Variants in TMEM232 observed in about 807,000 individuals in gnomAD.
TMEM232 encodes the protein transmembrane protein 232.
A neutral mutation model predicts 78.8 loss-of-function variants in TMEM232; 80 were observed. The ratio of observed to expected loss-of-function variants is 1.01; its 90% CI spans 0.85 to 1.22. The LOEUF is 1.22. Among genes scored for constraint, TMEM232 ranks in the 50% most tolerant of loss-of-function variants. TMEM232 has a pLI of 0.00. For synonymous variants in TMEM232, 297 were observed against 254.3 expected, an observed-to-expected ratio of 1.17 and a Z score of -1.60; for missense variants, 881 against 742.2, an observed-to-expected ratio of 1.19 and a Z score of -2.17.
chr5:110,435,619 C>G (rs1362172872), intron 12 of TMEM232, among the ~76,000 whole-genome samples: 1 of 151,874 alleles, frequency 6.6e-6, no homozygotes, highest in African/African-American at 2.4e-5. Flanking sequence ...CTACCCTTCA[C>G]TACCTCTGGT....
intron 2 of TMEM232, among the ~76,000 whole-genome samples, chr5:110,402,674 A>G (rs150129616): frequency 3.7e-4 from 57 of 152,210 alleles, no homozygotes; most frequent in Admixed American, 6.5e-4. Flanking sequence ...TTCTAACAAC[A>G]TGCTGCTGAT....
At chr5:110,567,384 T>G (rs1023795696) in intron 11 of TMEM232, among the ~76,000 whole-genome samples, 3 of 151,836 alleles carry the variant, frequency 2.0e-5, no homozygotes, top group Admixed American at 6.6e-5. Flanking sequence ...GGAACCCATT[T>G]GGACTGTTAA....
intron 12 of TMEM232, among the ~76,000 whole-genome samples, chr5:110,474,661 A>G (rs1374337563): frequency 6.6e-6 from 1 of 151,984 alleles, no homozygotes; most frequent in African/African-American, 2.4e-5. Flanking sequence ...GAAAATAAAG[A>G]TACCCACTTA....
At chr5:110,499,640 C>A (rs1311667577) in intron 12 of TMEM232, among the ~76,000 whole-genome samples, 1 of 145,620 alleles carries the variant, frequency 6.9e-6, no homozygotes, top group African/African-American at 2.7e-5. Context: ...CCCCCCCACA[C>A]ACACACATAT....
chr5:110,610,218 GGGAGGGAGGGAAAAAGAAAGGA>G (rs1782021768), intron 8 of TMEM232, among the ~76,000 whole-genome samples: 2 of 146,578 alleles, frequency 1.4e-5, no homozygotes, highest in Admixed American at 6.8e-5. Context: ...AAGGAAGGAA[GGGAGGGAGGGAAAAAGAAAGGA>G]AGGAAGGGAG....
intron 13 of TMEM232, among the ~76,000 whole-genome samples, chr5:110,424,456 C>G (rs1487497098): frequency 6.6e-6 from 1 of 152,066 alleles, no homozygotes; most frequent in African/African-American, 2.4e-5. Context: ...TCTGATCTGT[C>G]AAGGGTAAAG....
chr5:110,438,042 T>C (rs1185713015), intron 12 of TMEM232, among the ~76,000 whole-genome samples: 7 of 152,120 alleles, frequency 4.6e-5, no homozygotes, highest in African/African-American at 1.4e-4. Context: ...AGCTACTGTG[T>C]GGCCCCATCC....
intron 1 of TMEM232, among the ~76,000 whole-genome samples, chr5:110,680,852 G>C (rs1344648225): frequency 6.6e-6 from 1 of 152,072 alleles, no homozygotes; most frequent in African/African-American, 2.4e-5. Flanking sequence ...AATCACCTAA[G>C]GAGTTTTTAA....
chr5:110,714,710 G>T (rs1796853066), intron 1 of TMEM232, among the ~76,000 whole-genome samples: 1 of 152,098 alleles, frequency 6.6e-6, no homozygotes. Flanking sequence ...TTAAGTGACT[G>T]TCATTTAGAA....
chr5:110,727,926 T>C (rs28379511), upstream of TMEM232, among the ~76,000 whole-genome samples: 1,847 of 152,134 alleles, frequency 0.012, 46 homozygotes, highest in African/African-American at 0.042. Flanking sequence ...CCAGATAAAA[T>C]AAAAATGAAA....
chr5:110,403,492 T>G (rs532182971), intron 2 of TMEM232, among the ~76,000 whole-genome samples: 1 of 152,024 alleles, frequency 6.6e-6, no homozygotes, highest in African/African-American at 2.4e-5. Context: ...CTAAAATGAT[T>G]GTTTGTCAGA....
At chr5:110,500,551 A>G (rs1312710620) in intron 12 of TMEM232, among the ~76,000 whole-genome samples, 1 of 152,180 alleles carries the variant, frequency 6.6e-6, no homozygotes, top group African/African-American at 2.4e-5. Flanking sequence ...AGGGAAATTT[A>G]TAGCAGTGAA....
At chr5:110,696,399 G>A (rs1794785473) in intron 1 of TMEM232, among the ~76,000 whole-genome samples, 1 of 152,144 alleles carries the variant, frequency 6.6e-6, no homozygotes, top group Non-Finnish European at 1.5e-5. Flanking sequence ...GCACAAGACA[G>A]GGATGCCCTC....
chr5:110,505,151 A>G (rs1663140130), intron 12 of TMEM232, among the ~76,000 whole-genome samples: 1 of 152,112 alleles, frequency 6.6e-6, no homozygotes, highest in African/African-American at 2.4e-5. Context: ...CAGCTCCCTA[A>G]CTCCTGAGTG....
intron 1 of TMEM232, among the ~76,000 whole-genome samples, chr5:110,698,696 T>G (rs2150260428): frequency 6.6e-6 from 1 of 152,170 alleles, no homozygotes; most frequent in South Asian, 2.1e-4. Context: ...ACTTAGGACC[T>G]CTAAGAGGAG....
At chr5:110,654,507 A>G (rs988321624) in intron 2 of TMEM232, among the ~76,000 whole-genome samples, 6 of 152,070 alleles carry the variant, frequency 3.9e-5, no homozygotes, top group Admixed American at 3.9e-4. Context: ...CCATTGATCT[A>G]TATCTGTTTT....
chr5:110,544,982 G>A lies in TMEM232; in HGVS notation c.1456-16147C>T, dbSNP rs916275478. The stretch of plus-strand genomic sequence containing the variant: ...ATCAATTTTCCTTCTTACTAGTTAC[G>A]TGATCTTCCACAAGGTACTTAACCT... On this transcript the variant is annotated intron_variant, in intron 11 of 13. Coordinates refer to ENST00000455884, the MANE Select transcript of TMEM232 (RefSeq NM_001039763.4). Among the ~76,000 whole-genome samples the A allele has an allele frequency of 2.6e-5, 4 of 151,506 alleles. No homozygotes were observed. The South Asian group carries it at 6.4e-4, about 24-fold the overall frequency.
chr5:110,427,411 T>C (rs1486912375), intron 12 of TMEM232, among the ~76,000 whole-genome samples: 1 of 151,976 alleles, frequency 6.6e-6, no homozygotes, highest in Non-Finnish European at 1.5e-5. Flanking sequence ...TTAGCTGTAT[T>C]ATCAATTGTA....
intron 8 of TMEM232, among the ~76,000 whole-genome samples, chr5:110,611,625 A>G (rs1169107437): frequency 6.6e-6 from 1 of 152,074 alleles, no homozygotes; most frequent in Non-Finnish European, 1.5e-5. Flanking sequence ...TTTTCAATAT[A>G]ATGGCAATTT....
Sources: allele counts gnomAD v4.1 joint callset (sites outside exome capture counted in the v4.1 genomes callset), GRCh38; gene constraint gnomAD v4.1.1; transcripts MANE v1.5; gene names NCBI Gene and HGNC (gene_info 2026-07-23, HGNC 2026-07-21).